UBE2Q2: variants seen among roughly 807,000 people sequenced by gnomAD.
UBE2Q2 encodes the protein ubiquitin-conjugating enzyme E2 Q2.
A neutral mutation model predicts 59.9 loss-of-function variants in UBE2Q2; 54 were observed. That is an observed-to-expected ratio of 0.90 (90% CI 0.72 to 1.13). The LOEUF is 1.13. Ranked by LOEUF, UBE2Q2 falls within the 50% of genes most tolerant of loss-of-function variation. The pLI, the probability that UBE2Q2 is intolerant of heterozygous loss-of-function variation, is 0.00. For missense variants in UBE2Q2, 433 were observed against 441.9 expected (o/e 0.98, Z 0.18); for synonymous variants, 165 against 155.2 (o/e 1.06, Z -0.47).
intron 6 of UBE2Q2, among the ~76,000 whole-genome samples, chr15:75,876,990 A>G (rs1455555752): frequency 2.0e-5 from 3 of 151,948 alleles, no homozygotes; most frequent in Non-Finnish European, 2.9e-5. Flanking sequence ...GCGAAGCCCC[A>G]TCTCTACTAA....
intron 4 of UBE2Q2, among the ~76,000 whole-genome samples, chr15:75,871,801 A>C (rs940042264): frequency 3.3e-5 from 5 of 152,216 alleles, no homozygotes; most frequent in African/African-American, 1.2e-4. Context: ...TAACAGGCTG[A>C]TCTGTCTTGC....
chr15:75,885,181 G>A (rs1898689235), intron 9 of UBE2Q2, among the ~76,000 whole-genome samples: 1 of 151,810 alleles, frequency 6.6e-6, no homozygotes, highest in African/African-American at 2.4e-5. Context: ...ATGCAGTGGC[G>A]TGATCTCAGC....
intron 4 of UBE2Q2, among the ~76,000 whole-genome samples, chr15:75,871,965 G>A (rs1404967710): frequency 2.0e-5 from 3 of 152,174 alleles, no homozygotes; most frequent in Non-Finnish European, 4.4e-5. Flanking sequence ...GAGGTTGAAG[G>A]TATAGGAGGA....
chr15:75,843,525 G>C lies in UBE2Q2; in HGVS notation c.-142G>C. The C allele has an allele frequency of 2.2e-6, 1 of 446,856 alleles. No individual in the cohort carries two copies. Among genetic ancestry groups the C allele is most frequent in the Non-Finnish European group, 3.4e-6 (1 of 295,286 alleles). 27.7% of individuals were successfully genotyped at this position (446,856 alleles called of 1,614,324 possible). On this transcript the variant is annotated 5_prime_UTR_variant, in exon 1 of 13. Transcript: ENST00000267938. Reference sequence around the variant, plus strand: ...CCGCGCCCCTCGCCATTTTCCAGCAGCGCTCGACGAGGCGGAGCCGCGAGA... The same window carrying C: ...CCGCGCCCCTCGCCATTTTCCAGCACCGCTCGACGAGGCGGAGCCGCGAGA...
intron 5 of UBE2Q2, 35 bp downstream of exon 5, chr15:75,873,603 T>G: frequency 6.3e-7 from 1 of 1,581,858 alleles, no homozygotes. Flanking sequence ...CCTGGACTTT[T>G]GTGGTTAAAT....
At chr15:75,898,921 T>A (rs1051062255) in intron 12 of UBE2Q2, among the ~76,000 whole-genome samples, 5 of 152,128 alleles carry the variant, frequency 3.3e-5, no homozygotes, top group African/African-American at 1.2e-4. Flanking sequence ...AACTTTCTGT[T>A]GTGAAATAGC....
chr15:75,895,912 A>C (rs1219061095), intron 11 of UBE2Q2, among the ~76,000 whole-genome samples: 1 of 152,218 alleles, frequency 6.6e-6, no homozygotes, highest in African/African-American at 2.4e-5. Flanking sequence ...TATACGTACA[A>C]GGTTGCTCTT....
In UBE2Q2 at chr15:75,890,899, G is replaced by A. The variant is rs1380370636; in HGVS notation, c.934-20G>A. 1 of 1,604,982 alleles carries A rather than the reference G, an allele frequency of 6.2e-7. No individual in the cohort carries two copies. On this transcript the variant is annotated intron_variant, in intron 10 of 12. Transcript: ENST00000267938. Reference sequence around the variant, plus strand: ...ATCAGAAATACTACTGTATTTTAGAGATACTTTGTTCTTCTGTAGGGCTGG... The same window carrying A: ...ATCAGAAATACTACTGTATTTTAGAAATACTTTGTTCTTCTGTAGGGCTGG...
chr15:75,879,213 A>G (rs1344280174), intron 8 of UBE2Q2, 25 bp downstream of exon 8: 33 of 1,418,310 alleles, frequency 2.3e-5, no homozygotes, highest in Non-Finnish European at 3.0e-5. Flanking sequence ...ACAGGACCCC[A>G]TATACTTCCA....
intron 1 of UBE2Q2, among the ~76,000 whole-genome samples, chr15:75,845,627 A>G (rs1284857396): frequency 6.6e-6 from 1 of 152,212 alleles, no homozygotes; most frequent in Non-Finnish European, 1.5e-5. Context: ...ATGGTTCTCT[A>G]CAGTGGGTGG....
chr15:75,889,216 T>A (rs1461476599), intron 9 of UBE2Q2, among the ~76,000 whole-genome samples: 1 of 152,178 alleles, frequency 6.6e-6, no homozygotes, highest in Non-Finnish European at 1.5e-5. Flanking sequence ...TCGCCTGAAT[T>A]TAAATTTTTG....
intron 1 of UBE2Q2, chr15:75,844,191 G>A (rs1482638264): frequency 1.4e-6 from 2 of 1,412,310 alleles, no homozygotes; most frequent in African/African-American, 1.4e-5. Context: ...CCCGGGACCG[G>A]GGCGGGGCGG....
chr15:75,876,647 C>T (rs1297115493), intron 6 of UBE2Q2, among the ~76,000 whole-genome samples: 7 of 152,092 alleles, frequency 4.6e-5, no homozygotes, highest in Non-Finnish European at 7.4e-5. Context: ...GATTCCCCCC[C>T]ATTTTTGAAA....
At chr15:75,848,028 C>T (rs1896442351) in intron 1 of UBE2Q2, among the ~76,000 whole-genome samples, 1 of 152,094 alleles carries the variant, frequency 6.6e-6, no homozygotes, top group Non-Finnish European at 1.5e-5. Flanking sequence ...AGCTGTGAAT[C>T]TAGGAGGAAG....
intron 3 of UBE2Q2, among the ~76,000 whole-genome samples, chr15:75,866,410 C>T (rs1304009219): frequency 6.6e-6 from 1 of 152,140 alleles, no homozygotes; most frequent in Non-Finnish European, 1.5e-5. Context: ...AACTTCTGGG[C>T]TCAAGTGATC....
Position 75,865,890 on chromosome 15 carries a change from A to G in UBE2Q2, c.388-3061A>G, listed in dbSNP as rs370086387. On this transcript the variant is annotated intron_variant, in intron 3 of 12. Transcript: ENST00000267938. ...ATACTTGCTGTCTGTTATTTGTTCA[A>G]CAAATATCTGACTCTGTATAAAGTA... Among the ~76,000 whole-genome samples the G allele has an allele frequency of 1.9e-4, 29 of 152,082 alleles. No individual in the cohort carries two copies. The East Asian group carries it at 5.0e-3, about 26-fold the overall frequency.
Position 75,873,488 on chromosome 15 carries a change from T to TCAC in UBE2Q2, c.510_511insCCA (p.Ser170_Glu171insPro). The TCAC allele has an allele frequency of 6.2e-7, 1 of 1,613,778 alleles. No homozygotes were observed. Among genetic ancestry groups the TCAC allele is most frequent in the Non-Finnish European group, 8.5e-7 (1 of 1,179,892 alleles). ...AGAAGAGCCTATTAGTGGGAAAAAG[T>TCAC]CAGAGGATGAAGGAATTGAAAAAGA... On this transcript the variant is annotated inframe_insertion, in exon 5 of 13. Coordinates refer to ENST00000267938, the MANE Select transcript of UBE2Q2 (RefSeq NM_173469.4).
chr15:75,856,269 G>GTGTGTGTATATATA (rs1256142539), intron 2 of UBE2Q2, among the ~76,000 whole-genome samples: 16 of 139,280 alleles, frequency 1.1e-4, no homozygotes, highest in African/African-American at 4.1e-4. Context: ...GTGTGTGTGT[G>GTGTGTGTATATATA]TATATATATA....
At chr15:75,894,465 T>TC (rs1194344485) in intron 11 of UBE2Q2, among the ~76,000 whole-genome samples, 1 of 152,022 alleles carries the variant, frequency 6.6e-6, no homozygotes, top group Non-Finnish European at 1.5e-5. Context: ...GCGCCTGTAG[T>TC]CCCAACTACT....
Sources: allele counts gnomAD v4.1 joint callset (sites outside exome capture counted in the v4.1 genomes callset), GRCh38; gene constraint gnomAD v4.1.1; transcripts MANE v1.5; gene names NCBI Gene and HGNC (gene_info 2026-07-23, HGNC 2026-07-21).